The following CMC1 variants were observed in gnomAD, a reference collection of about 807,000 sequenced individuals.
CMC1 encodes C-X9-C motif containing 1.
CMC1 carries 14 observed loss-of-function variants against 14.1 expected under a neutral mutation model. That is an observed-to-expected ratio of 0.99 (90% CI 0.66 to 1.55). The LOEUF is 1.55. Ranked by LOEUF, CMC1 falls within the 40% of genes most tolerant of loss-of-function variation. The probability of loss-of-function intolerance (pLI) is 0.00; values close to 1 mark genes in which losing one functional copy is unlikely to be tolerated. For missense variants in CMC1, 127 were observed against 123.8 expected, an observed-to-expected ratio of 1.03 and a Z score of -0.12; for synonymous variants, 50 against 38.4, an observed-to-expected ratio of 1.30 and a Z score of -1.12.
chr3:28,268,041 A>C (rs559772347), intron 2 of CMC1, among the ~76,000 whole-genome samples: 1 of 152,322 alleles, frequency 6.6e-6, no homozygotes, highest in African/African-American at 2.4e-5. Flanking sequence ...GTTTTGATAT[A>C]CTAAAAGGAA....
chr3:28,274,443 A>G (rs1182438665), intron 2 of CMC1, among the ~76,000 whole-genome samples: 1 of 151,948 alleles, frequency 6.6e-6, no homozygotes. Context: ...ATTAGCACCC[A>G]GTCTCTTCTG....
chr3:28,286,763 G>A (rs913607078), intron 2 of CMC1, among the ~76,000 whole-genome samples: 7 of 152,156 alleles, frequency 4.6e-5, no homozygotes, highest in African/African-American at 1.4e-4. Flanking sequence ...ATATTATGAA[G>A]TAAAGATTGA....
chr3:28,312,803 T>C (rs1006727335), intron 2 of CMC1, among the ~76,000 whole-genome samples: 10 of 152,204 alleles, frequency 6.6e-5, no homozygotes, highest in Non-Finnish European at 1.0e-4. Flanking sequence ...CTTTATCTCT[T>C]TATGTTTTTT....
rs1318106737 is a variant in CMC1, at chr3:28,322,769, AT to A, written c.*3141del. 21 of 151,760 alleles carry A rather than the reference AT, an allele frequency of 1.4e-4. No individual in the cohort carries two copies. The highest frequency in any genetic ancestry group is 6.2e-4 in the South Asian group (3 of 4,824). 9.4% of individuals were successfully genotyped at this position (151,760 alleles called of 1,614,324 possible). ...AATAAGTGTAAGATAATAGAAAAAA[AT>A]ATCTAGTGAATGGCGAACATTGTCT... On this transcript the variant is annotated 3_prime_UTR_variant, in exon 4 of 4. Coordinates refer to ENST00000466830, the MANE Select transcript of CMC1 (RefSeq NM_182523.2).
Position 28,324,838 on chromosome 3 carries a change from G to A in CMC1, c.*5209G>A, listed in dbSNP as rs1307937252. 6.3e-6 allele frequency: 1 copy of A among 157,658 alleles called. No individual in the cohort carries two copies. Among genetic ancestry groups the A allele is most frequent in the African/African-American group, 2.4e-5 (1 of 41,566 alleles). 9.8% of individuals were successfully genotyped at this position (157,658 alleles called of 1,614,324 possible). On this transcript the variant is annotated 3_prime_UTR_variant, in exon 4 of 4. Coordinates refer to ENST00000466830, the MANE Select transcript of CMC1 (RefSeq NM_182523.2). ...CCTGTTCTTGGCTCTTATTGTGGCT[G>A]GAGAAGGATTGCAGACTGTTCACAT...
chr3:28,273,786 A>T (rs1300507996), intron 2 of CMC1, among the ~76,000 whole-genome samples: 1 of 152,138 alleles, frequency 6.6e-6, no homozygotes, highest in Non-Finnish European at 1.5e-5. Context: ...GGGTCCTCCT[A>T]TATTAGGTGT....
chr3:28,288,156 C>T (rs1229103871), intron 2 of CMC1, among the ~76,000 whole-genome samples: 2 of 151,786 alleles, frequency 1.3e-5, no homozygotes, highest in African/African-American at 2.4e-5. Context: ...TTTAAAAATA[C>T]GTTAATACTG....
At chr3:28,281,717 A>G (rs77915028) in intron 2 of CMC1, among the ~76,000 whole-genome samples, 1 of 152,208 alleles carries the variant, frequency 6.6e-6, no homozygotes, top group Non-Finnish European at 1.5e-5. Flanking sequence ...GTTACTTTAG[A>G]AAAAAATAAG....
chr3:28,309,941 CCACACACA>C (rs57007112), intron 2 of CMC1, among the ~76,000 whole-genome samples: 27,545 of 132,364 alleles, frequency 0.21, 3,299 homozygotes, highest in Admixed American at 0.28. Flanking sequence ...CTGACGTCCA[CCACACACA>C]CACACACACA....
intron 2 of CMC1, among the ~76,000 whole-genome samples, chr3:28,286,672 T>C (rs1462746379): frequency 6.6e-6 from 1 of 152,236 alleles, no homozygotes; most frequent in Admixed American, 6.5e-5. Flanking sequence ...TCTTTCCATT[T>C]CCTTTTTGTA....
intron 2 of CMC1, among the ~76,000 whole-genome samples, chr3:28,288,034 A>C (rs1414932542): frequency 2.6e-5 from 4 of 152,042 alleles, no homozygotes; most frequent in Non-Finnish European, 5.9e-5. Context: ...CAATAGCTGC[A>C]TGTGGCTTGT....
intron 2 of CMC1, among the ~76,000 whole-genome samples, chr3:28,276,850 A>G (rs909365738): frequency 6.6e-6 from 1 of 152,242 alleles, no homozygotes; most frequent in Admixed American, 6.5e-5. Context: ...ATTTAAAACC[A>G]GTTATTAATA....
intron 2 of CMC1, chr3:28,298,453 ATT>A (rs955868453): frequency 3.1e-4 from 46 of 148,356 alleles, no homozygotes; most frequent in Admixed American, 4.7e-4. Flanking sequence ...TATAAAATAT[ATT>A]TTTATATATA....
At chr3:28,314,541 A>G (rs1459707977) in intron 2 of CMC1, among the ~76,000 whole-genome samples, 2 of 152,266 alleles carry the variant, frequency 1.3e-5, no homozygotes, top group East Asian at 3.8e-4. Flanking sequence ...TGCTGAGACT[A>G]GTGAAGCAGA....
chr3:28,255,019 G>A (rs554075238), intron 1 of CMC1, among the ~76,000 whole-genome samples: 14 of 152,206 alleles, frequency 9.2e-5, no homozygotes, highest in African/African-American at 2.2e-4. Context: ...CCACAGGTCC[G>A]CAACTGAATT....
chr3:28,277,111 C>T (rs977638070), intron 2 of CMC1, among the ~76,000 whole-genome samples: 1 of 152,046 alleles, frequency 6.6e-6, no homozygotes, highest in African/African-American at 2.4e-5. Flanking sequence ...AGAATAAATT[C>T]TAAATCCTAT....
chr3:28,313,214 A>T (rs2125605796), intron 2 of CMC1, among the ~76,000 whole-genome samples: 1 of 152,288 alleles, frequency 6.6e-6, no homozygotes, highest in East Asian at 1.9e-4. Context: ...AGATAAATTA[A>T]GAGTTTACAA....
At chr3:28,255,173 C>T (rs993412341) in intron 1 of CMC1, among the ~76,000 whole-genome samples, 7 of 152,102 alleles carry the variant, frequency 4.6e-5, no homozygotes, top group African/African-American at 1.4e-4. Flanking sequence ...ATAGGACCTC[C>T]CTCTGAATTT....
intron 2 of CMC1, among the ~76,000 whole-genome samples, chr3:28,285,839 T>C (rs1267158487): frequency 6.6e-6 from 1 of 151,626 alleles, no homozygotes; most frequent in Non-Finnish European, 1.5e-5. Flanking sequence ...CGATCTTGGC[T>C]CACTGCAAGC....
Sources: gnomAD v4.1 joint callset for allele counts (sites outside exome capture counted in the v4.1 genomes callset) on GRCh38, gnomAD v4.1.1 for gene constraint, MANE v1.5 for transcripts, NCBI Gene and HGNC (gene_info 2026-07-23, HGNC 2026-07-21) for gene names.